Variants in TMEM181 observed in about 807,000 individuals in gnomAD.
TMEM181 encodes transmembrane protein 181.
Under a neutral mutation model 71.9 loss-of-function variants are expected in TMEM181, and 39 were observed. That is an observed-to-expected ratio of 0.54 (90% CI 0.42 to 0.71). The LOEUF (loss-of-function observed/expected upper bound fraction) is 0.71, where lower values mean the gene tolerates loss of function less well. Ranked by LOEUF, TMEM181 falls within the 30% of genes least tolerant of loss-of-function variation. TMEM181 has a pLI of 0.00. For synonymous variants in TMEM181, 245 were observed against 228.8 expected, an observed-to-expected ratio of 1.07 and a Z score of -0.64; for missense variants, 595 against 583.0, an observed-to-expected ratio of 1.02 and a Z score of -0.21.
chr6:158,563,137 G>A (rs1031581606), intron 1 of TMEM181, among the ~76,000 whole-genome samples: 2 of 152,122 alleles, frequency 1.3e-5, no homozygotes, highest in East Asian at 3.9e-4. Context: ...TTTCAGAAAC[G>A]GGATGTTTTG....
At chr6:158,549,110 CTTTTTTTTTT>C (rs33969411) in intron 1 of TMEM181, among the ~76,000 whole-genome samples, 2 of 67,520 alleles carry the variant, frequency 3.0e-5, no homozygotes, top group East Asian at 9.2e-4. Flanking sequence ...GTGCACACTT[CTTTTTTTTTT>C]TTTTTTTTTT....
intron 1 of TMEM181, among the ~76,000 whole-genome samples, chr6:158,563,693 G>T (rs1231833732): frequency 6.6e-6 from 1 of 152,204 alleles, no homozygotes; most frequent in African/African-American, 2.4e-5. Context: ...TGAGTCACTG[G>T]GCTTGCAATC....
At chr6:158,538,094 A>AT (rs1488917500) in intron 1 of TMEM181, among the ~76,000 whole-genome samples, 1 of 151,126 alleles carries the variant, frequency 6.6e-6, no homozygotes, top group East Asian at 1.9e-4. Context: ...AAATAAGATT[A>AT]TTTCCAATCT....
At chr6:158,555,713 T>C (rs937257615), upstream of TMEM181, among the ~76,000 whole-genome samples, 2 of 152,326 alleles carry the variant, frequency 1.3e-5, no homozygotes, top group Admixed American at 6.5e-5. Flanking sequence ...GAGAATCCCA[T>C]TGACTTGACT....
At chr6:158,562,587 A>C (rs578032021) in intron 1 of TMEM181, among the ~76,000 whole-genome samples, 1 of 152,180 alleles carries the variant, frequency 6.6e-6, no homozygotes, top group East Asian at 1.9e-4. Context: ...GCTAGCAGCA[A>C]AGCATGGCAC....
At chr6:158,601,831 A>G (rs1446398312) in intron 6 of TMEM181, among the ~76,000 whole-genome samples, 1 of 151,992 alleles carries the variant, frequency 6.6e-6, no homozygotes, top group Admixed American at 6.6e-5. Flanking sequence ...TCCCCATTTT[A>G]TGGAGGAAAA....
At chr6:158,586,023 G>A (rs973841794) in intron 5 of TMEM181, among the ~76,000 whole-genome samples, 1 of 152,136 alleles carries the variant, frequency 6.6e-6, no homozygotes, top group Non-Finnish European at 1.5e-5. Context: ...TGAGGCTTTG[G>A]GTTGTTCCCA....
chr6:158,597,016 C>T (rs1583006758), intron 6 of TMEM181, among the ~76,000 whole-genome samples: 2 of 152,258 alleles, frequency 1.3e-5, no homozygotes, highest in East Asian at 1.9e-4. Flanking sequence ...CTGCACCCAG[C>T]GTGTTCAGAT....
chr6:158,545,662 G>GTT (rs113910744), intron 1 of TMEM181, among the ~76,000 whole-genome samples: 3 of 145,092 alleles, frequency 2.1e-5, no homozygotes, highest in African/African-American at 2.5e-5. Context: ...TTCTTTTTTA[G>GTT]TTTTTTTTTT....
intron 6 of TMEM181, among the ~76,000 whole-genome samples, chr6:158,604,120 C>A (rs376510337): frequency 6.6e-6 from 1 of 152,224 alleles, no homozygotes; most frequent in Non-Finnish European, 1.5e-5. Context: ...GAGGTTCGTT[C>A]TCTCTCTGTA....
chr6:158,542,267 T>C (rs1023401764), intron 1 of TMEM181, among the ~76,000 whole-genome samples: 1 of 152,200 alleles, frequency 6.6e-6, no homozygotes, highest in Non-Finnish European at 1.5e-5. Context: ...CGTATAGTAT[T>C]GGGCATTTTT....
rs543905310 is a variant in TMEM181 at position 158,633,265 on chromosome 6, G to A, written c.*1377G>A. On this transcript the variant is annotated 3_prime_UTR_variant, in exon 17 of 17. Coordinates refer to ENST00000684151, the MANE Select transcript of TMEM181 (RefSeq NM_001376852.1). ...CCTGTCCTCCATGTGTCCACATGGC[G>A]GTCAGGTAGGGACGACCTGTTCTGT... 2.6e-5 allele frequency: 4 copies of A among 152,288 alleles called. No homozygotes were observed. The highest frequency in any genetic ancestry group is 4.4e-5 in the Non-Finnish European group (3 of 68,032). 9.4% of individuals were successfully genotyped at this position (152,288 alleles called of 1,614,324 possible).
At chr6:158,580,081 G>A (rs533007842) in intron 2 of TMEM181, among the ~76,000 whole-genome samples, 21 of 152,086 alleles carry the variant, frequency 1.4e-4, no homozygotes, top group African/African-American at 4.8e-4. Flanking sequence ...CTGTAATCCC[G>A]GCACTTTGGG....
intron 13 of TMEM181, chr6:158,626,807 C>T: frequency 4.4e-6 from 2 of 453,252 alleles, no homozygotes; most frequent in Non-Finnish European, 8.9e-6. Flanking sequence ...TCACTCACAA[C>T]TGACCCACCC....
At position 158,607,311 on chromosome 6, in the gene TMEM181, C is replaced by G; in HGVS notation, c.641C>G (p.Ser214Cys). The part of the protein sequence containing the change: ...RDWGIEQKWM[S>C]VLLPLLLLYN... ...TGGGGCATCGAGCAGAAGTGGATGT[C>G]TGTTCTCCTGCCTCTGCTGCTACTT... Residue 214 changes from serine (S) to cysteine (C), a missense_variant, in exon 8 of 17, where the codon TCT becomes TGT. By Grantham distance (112) the Ser-to-Cys change is moderately radical. Coordinates refer to ENST00000684151, the MANE Select transcript of TMEM181 (RefSeq NM_001376852.1). 6.2e-7 allele frequency: 1 copy of G among 1,614,210 alleles called. No homozygotes were observed. The highest frequency in any genetic ancestry group is 2.2e-5 in the East Asian group (1 of 44,884).
chr6:158,627,420 C>G (rs1786380846), intron 13 of TMEM181, among the ~76,000 whole-genome samples: 1 of 152,246 alleles, frequency 6.6e-6, no homozygotes, highest in Non-Finnish European at 1.5e-5. Context: ...AGACGAGTGG[C>G]AAACAACTAA....
intron 1 of TMEM181, among the ~76,000 whole-genome samples, chr6:158,567,960 G>C (rs552561390): frequency 6.6e-6 from 1 of 152,170 alleles, no homozygotes; most frequent in Non-Finnish European, 1.5e-5. Context: ...GGCACTGTAC[G>C]CTTCCTGAGC....
chr6:158,627,844 G>A (rs1786415838), intron 13 of TMEM181, among the ~76,000 whole-genome samples: 1 of 152,210 alleles, frequency 6.6e-6, no homozygotes, highest in South Asian at 2.1e-4. Flanking sequence ...GAGGTGAGGT[G>A]GAAGGCAGGT....
chr6:158,608,575 C>G, intron 9 of TMEM181, 84 bp from the exon 10 acceptor site: 1 of 1,596,620 alleles, frequency 6.3e-7, no homozygotes, highest in Non-Finnish European at 8.5e-7. Flanking sequence ...TGTCTGCAGG[C>G]CCATACTCAA....
Sources: allele counts gnomAD v4.1 joint callset (sites outside exome capture counted in the v4.1 genomes callset), GRCh38; gene constraint gnomAD v4.1.1; transcripts MANE v1.5; gene names NCBI Gene and HGNC (gene_info 2026-07-23, HGNC 2026-07-21).